MGST1: variants seen among roughly 807,000 people sequenced by gnomAD.
The protein encoded by MGST1 is microsomal glutathione S-transferase 1, also known as glutathione S-transferase 12.
MGST1 carries 5 observed loss-of-function variants against 8.9 expected under a neutral mutation model. The observed-to-expected ratio is 0.56, with a 90% CI of 0.29 to 1.19. The LOEUF (loss-of-function observed/expected upper bound fraction) is 1.19, where lower values mean the gene tolerates loss of function less well. MGST1 is among the 50% of genes most tolerant of loss of function. The pLI is 0.08. For missense variants in MGST1, 182 were observed against 187.4 expected, an observed-to-expected ratio of 0.97 and a Z score of 0.17; for synonymous variants, 54 against 67.8, an observed-to-expected ratio of 0.80 and a Z score of 1.00.
chr12:16,430,140 C>T (rs886221849), intron 1 of MGST1, among the ~76,000 whole-genome samples: 1 of 152,204 alleles, frequency 6.6e-6, no homozygotes, highest in African/African-American at 2.4e-5. Context: ...AACTTCTCAT[C>T]TATTAAAGTG....
Position 16,513,744 on chromosome 12 carries a change from G to T in MGST1, n.483-75784G>T. ...CCTTGGGCGAGAATAGCGAAGTCTC[G>T]AAAAGTGGCCGGTTTGTCACTGTGC... On this transcript the variant is annotated intron_variant and non_coding_transcript_variant, in intron 4 of 4. Coordinates refer to the MGST1 transcript ENST00000538857. The surrounding 1 kb of genome is among the most constrained non-coding windows in gnomAD (Gnocchi z 4.2). The T allele has an allele frequency of 1.7e-6, 1 of 574,932 alleles. No homozygotes were observed. Among genetic ancestry groups the T allele is most frequent in the Non-Finnish European group, 3.5e-6 (1 of 287,438 alleles). 35.6% of individuals were successfully genotyped at this position (574,932 alleles called of 1,614,324 possible).
rs529742660 is a variant in MGST1 at position 16,586,484 on chromosome 12, C to T, written n.483-3044C>T. Among the ~76,000 whole-genome samples the T allele has an allele frequency of 1.8e-4, 27 of 152,278 alleles. No individual in the cohort carries two copies. In the East Asian group the frequency reaches 3.5e-3, roughly 20 times the overall value. ...GGACAATGTGTCTGGACAAATCTCA[C>T]GCTAAGCATTATCTTCTACGTCCAC... On this transcript the variant is annotated intron_variant and non_coding_transcript_variant, in intron 4 of 4. Coordinates refer to the MGST1 transcript ENST00000538857. This position sits in a 1 kb window ranked among gnomAD's most constrained non-coding sequence, Gnocchi z 4.3.
At chr12:16,492,967 G>C (rs181347127) in intron 4 of MGST1, among the ~76,000 whole-genome samples, 4 of 152,264 alleles carry the variant, frequency 2.6e-5, no homozygotes, top group African/African-American at 9.6e-5. Context: ...GCCTAGGTCT[G>C]CACAATCAAA....
At chr12:16,395,792 TATATATATATATACAC>T (rs1940599892) in intron 1 of MGST1, among the ~76,000 whole-genome samples, 1 of 124,586 alleles carries the variant, frequency 8.0e-6, no homozygotes, top group African/African-American at 3.3e-5. Context: ...TATATATATA[TATATATATATATACAC>T]ACACACACAC....
intron 4 of MGST1, among the ~76,000 whole-genome samples, chr12:16,514,867 C>G (rs1941601755): frequency 6.6e-6 from 1 of 152,206 alleles, no homozygotes; most frequent in African/African-American, 2.4e-5. Context: ...TGGCTGGTGT[C>G]TGGAACATTG....
chr12:16,359,626 G>A (rs1463455811), intron 3 of MGST1, among the ~76,000 whole-genome samples: 3 of 152,196 alleles, frequency 2.0e-5, no homozygotes, highest in Non-Finnish European at 4.4e-5. Context: ...AAAAAAGTGA[G>A]TGAAGCTTAA....
downstream of MGST1, among the ~76,000 whole-genome samples, chr12:16,591,044 T>C (rs1943481519): frequency 6.6e-6 from 1 of 152,080 alleles, no homozygotes; most frequent in Admixed American, 6.6e-5. This position sits in a 1 kb window ranked among gnomAD's most constrained non-coding sequence, Gnocchi z 4.1. Context: ...CCTCACTGAA[T>C]AAGCTTTACA....
rs4140760 is a variant in MGST1, at chr12:16,460,787, T to G, written n.482+77183T>G. 2.0e-3 allele frequency among the ~76,000 whole-genome samples: 305 copies of G among 152,192 alleles called. 2 individuals are homozygous for G. The highest frequency in any genetic ancestry group is 0.015 in the East Asian group (78 of 5,176). ...AGTAGATGATTAAATGAATTAACCC[T>G]CATAAGCGCATGTGTGTTTTAATAG... is the stretch of plus-strand genomic sequence containing the variant. On this transcript the variant is annotated intron_variant and non_coding_transcript_variant, in intron 4 of 4. Coordinates refer to the MGST1 transcript ENST00000538857.
intron 1 of MGST1, among the ~76,000 whole-genome samples, chr12:16,415,292 G>A (rs1164530559): frequency 1.3e-5 from 2 of 152,164 alleles, no homozygotes; most frequent in African/African-American, 4.8e-5. Flanking sequence ...AATTTCCATA[G>A]GGAGGAGGGG....
At chr12:16,496,813 G>C (rs1179777554) in intron 4 of MGST1, among the ~76,000 whole-genome samples, 2 of 151,890 alleles carry the variant, frequency 1.3e-5, no homozygotes, top group African/African-American at 4.8e-5. Flanking sequence ...TGGTTGCTTT[G>C]GTAGGAGAAA....
At chr12:16,502,539 C>T (rs1045345308) in intron 4 of MGST1, among the ~76,000 whole-genome samples, 3 of 151,990 alleles carry the variant, frequency 2.0e-5, no homozygotes, top group Admixed American at 6.6e-5. Context: ...TTGAACATAG[C>T]CCCTAAAGCC....
At chr12:16,518,191 C>A (rs1398570673) in intron 4 of MGST1, among the ~76,000 whole-genome samples, 1 of 152,194 alleles carries the variant, frequency 6.6e-6, no homozygotes, top group African/African-American at 2.4e-5. Context: ...TCTTCTCCAA[C>A]TCTGCTATTC....
At chr12:16,567,514 T>A (rs1942659466) in intron 4 of MGST1, 1 of 152,296 alleles carries the variant, frequency 6.6e-6, no homozygotes, top group Admixed American at 6.6e-5. Flanking sequence ...AGGACTTGAA[T>A]GACATGGCAT....
At chr12:16,478,584 G>A (rs1591740696) in intron 4 of MGST1, among the ~76,000 whole-genome samples, 1 of 151,506 alleles carries the variant, frequency 6.6e-6, no homozygotes, top group African/African-American at 2.4e-5. Context: ...ATATATCTTA[G>A]ACTGATTAAA....
chr12:16,350,933 C>T (rs1428046169), intron 1 of MGST1: 1 of 152,122 alleles, frequency 6.6e-6, no homozygotes, highest in Admixed American at 6.6e-5. Context: ...AAAGGCCTCC[C>T]ATTGCCCTTT....
rs1282689507 is a variant in MGST1 at position 16,482,360 on chromosome 12, C to G, written n.482+98756C>G. The stretch of plus-strand genomic sequence containing the variant: ...TAAAAAAAAGAGCAAGGGCCGGGTG[C>G]AGTGGCTCACGCCTGTAATCTTAGC... On this transcript the variant is annotated intron_variant and non_coding_transcript_variant, in intron 4 of 4. Transcript: ENST00000538857. This position sits in a 1 kb window ranked among gnomAD's most constrained non-coding sequence, Gnocchi z 4.2. 6.6e-6 allele frequency among the ~76,000 whole-genome samples: 1 copy of G among 152,150 alleles called. No homozygotes were observed. Among genetic ancestry groups the G allele is most frequent in the Non-Finnish European group, 1.5e-5 (1 of 68,022 alleles).
At chr12:16,549,977 A>G (rs1941925156) in intron 4 of MGST1, 1 of 152,142 alleles carries the variant, frequency 6.6e-6, no homozygotes, top group South Asian at 2.1e-4. Flanking sequence ...AGAGTAAAAC[A>G]CATCAAACTT....
chr12:16,416,134 T>C (rs1940787067), intron 1 of MGST1, among the ~76,000 whole-genome samples: 1 of 152,132 alleles, frequency 6.6e-6, no homozygotes, highest in African/African-American at 2.4e-5. Flanking sequence ...GAATAAGATA[T>C]AAAATGAGAC....
At chr12:16,428,436 C>T (rs1460573021) in intron 1 of MGST1, among the ~76,000 whole-genome samples, 7 of 151,346 alleles carry the variant, frequency 4.6e-5, no homozygotes, top group South Asian at 4.2e-4. Context: ...CAGTTATATT[C>T]GTGACTTCTT....
Sources: allele counts gnomAD v4.1 joint callset (sites outside exome capture counted in the v4.1 genomes callset), GRCh38; gene constraint gnomAD v4.1.1; non-coding constraint Gnocchi (gnomAD v3.1); transcripts MANE v1.5; gene names NCBI Gene and HGNC (gene_info 2026-07-23, HGNC 2026-07-21).